Variants in ACOX1 observed in about 807,000 individuals in gnomAD.
ACOX1 encodes peroxisomal acyl-coenzyme A oxidase 1.
Under a neutral mutation model 75.5 loss-of-function variants are expected in ACOX1, and 41 were observed. That is an observed-to-expected ratio of 0.54 (90% CI 0.42 to 0.70). The LOEUF (loss-of-function observed/expected upper bound fraction) is 0.70. Ranked by LOEUF, ACOX1 falls within the 30% of genes least tolerant of loss-of-function variation. The pLI is 0.00. For synonymous variants in ACOX1, 303 were observed against 298.8 expected (o/e 1.01, Z -0.15); for missense variants, 630 against 837.5 (o/e 0.75, Z 3.06).
intron 6 of ACOX1, 99 bp downstream of exon 6, chr17:75,955,467 T>C: frequency 2.0e-6 from 2 of 1,018,114 alleles, no homozygotes; most frequent in Non-Finnish European, 3.1e-6. Context: ...CCTGCTGTTA[T>C]TACCTTCTAA....
intron 2 of ACOX1, chr17:75,973,687 C>T: frequency 1.9e-6 from 3 of 1,614,152 alleles, no homozygotes; most frequent in Non-Finnish European, 2.5e-6. Context: ...TGAAAGCAGC[C>T]ATTTCTCTTT....
At chr17:75,955,771 T>C in intron 5 of ACOX1, 57 bp downstream of exon 5, 4 of 1,613,764 alleles carry the variant, frequency 2.5e-6, no homozygotes, top group Non-Finnish European at 3.4e-6. Context: ...TTCTACCTTT[T>C]GCAGAAGAAA....
In ACOX1 at chr17:75,943,412, A is replaced by AGT. The variant is rs1407163659; in HGVS notation, c.*3334_*3335dup. ...TTAGCCAGGTGTGGTGGTGTGCACC[A>AGT]GTAATCCCAGCTTCTCAGAGGAGGC... On this transcript the variant is annotated 3_prime_UTR_variant, in exon 14 of 14. Transcript: ENST00000293217. 6.6e-6 allele frequency: 1 copy of AGT among 152,080 alleles called. No individual in the cohort carries two copies. Among genetic ancestry groups the AGT allele is most frequent in the Non-Finnish European group, 1.5e-5 (1 of 68,074 alleles). The allele number at this position is 152,080 out of a possible 1,614,324, so 9.4% of individuals were successfully genotyped here. A position where few individuals can be genotyped will look rare whatever the true frequency, so the allele number is the denominator to read the frequency against.
At chr17:75,956,872 C>T (rs1433417953) in intron 4 of ACOX1, among the ~76,000 whole-genome samples, 5 of 134,542 alleles carry the variant, frequency 3.7e-5, no homozygotes. Flanking sequence ...GTAGCCAGGA[C>T]TATAGGTCTA....
chr17:75,979,130 A>G lies in ACOX1; in HGVS notation c.-57T>C. The G allele has an allele frequency of 6.3e-7, 1 of 1,599,314 alleles. No individual in the cohort carries two copies. Among genetic ancestry groups the G allele is most frequent in the Non-Finnish European group, 8.5e-7 (1 of 1,177,962 alleles). ...CGACCGAGGTGGCAGTGACAATCTA[A>G]ATCCGCAGCTCCAGCGCCGGCCGGA... On this transcript the variant is annotated 5_prime_UTR_variant, in exon 1 of 14. Transcript: ENST00000293217.
In ACOX1 at chr17:75,953,571, T is replaced by C; in HGVS notation, c.824A>G (p.Tyr275Cys). 1 of 1,614,196 alleles carries C rather than the reference T, an allele frequency of 6.2e-7. No individual in the cohort carries two copies. Among genetic ancestry groups the C allele is most frequent in the Non-Finnish European group, 8.5e-7 (1 of 1,180,008 alleles). ...YVKPLSNKLT[Y>C]GTMVFVRSFL... ...GGACCTGACAAACACCATGGTCCCG[T>C]AAGTCAGCTTGTTACTCAGCGGTTT... The change falls in exon 7 of 14, where the codon TAC (tyrosine) becomes TGC (cysteine). Residue 275 changes from tyrosine to cysteine, a missense_variant. Tyr to Cys is a radical substitution (Grantham distance 194). This residue lies in a region of ACOX1 where 390 missense variants were observed against 574.9 expected (regional missense o/e 0.68). Coordinates refer to ENST00000293217, the MANE Select transcript of ACOX1 (RefSeq NM_004035.7).
intron 4 of ACOX1, among the ~76,000 whole-genome samples, chr17:75,956,883 T>C (rs7222393): frequency 0.57 from 71,822 of 126,116 alleles, 23,274 homozygotes; most frequent in East Asian, 0.8. Flanking sequence ...TATAGGTCTA[T>C]AGGTATGTGC....
chr17:75,979,097 G>A lies in ACOX1; in HGVS notation c.-24C>T. ...ATGGCGACGACCAGCTGGCAGCGAAGTAAGCACCGACCGAGGTGGCAGTGA... is the reference window on the plus strand; with the variant it reads ...ATGGCGACGACCAGCTGGCAGCGAAATAAGCACCGACCGAGGTGGCAGTGA... On this transcript the variant is annotated 5_prime_UTR_variant, in exon 1 of 14. Coordinates refer to ENST00000293217, the MANE Select transcript of ACOX1 (RefSeq NM_004035.7). 6.2e-7 allele frequency: 1 copy of A among 1,609,062 alleles called. No individual in the cohort carries two copies. Among genetic ancestry groups the A allele is most frequent in the Non-Finnish European group, 8.5e-7 (1 of 1,179,934 alleles).
intron 2 of ACOX1, among the ~76,000 whole-genome samples, chr17:75,967,914 AT>A (rs886962143): frequency 2.0e-5 from 3 of 149,516 alleles, no homozygotes; most frequent in Non-Finnish European, 4.4e-5. Flanking sequence ...TAATTTTTAG[AT>A]TTTTAGTACA....
intron 2 of ACOX1, among the ~76,000 whole-genome samples, chr17:75,970,686 A>C (rs1054562956): frequency 2.6e-5 from 4 of 152,200 alleles, no homozygotes; most frequent in African/African-American, 7.2e-5. Flanking sequence ...CTTCTGTGAG[A>C]CCGCGTTAGA....
intron 2 of ACOX1, among the ~76,000 whole-genome samples, chr17:75,964,181 A>G (rs1162540151): frequency 5.5e-5 from 8 of 146,660 alleles, no homozygotes; most frequent in Admixed American, 2.7e-4. Context: ...TCCATCTCAA[A>G]AAAAAAAAAA....
At position 75,960,991 on chromosome 17, in the gene ACOX1, T is replaced by A. The variant is rs981289348; in HGVS notation, c.270-616A>T. On this transcript the variant is annotated intron_variant, in intron 2 of 13. Coordinates refer to ENST00000293217, the MANE Select transcript of ACOX1 (RefSeq NM_004035.7). This position sits in a 1 kb window ranked among gnomAD's most constrained non-coding sequence, Gnocchi z 4.4. ...GAGACTCTGTCTCAAAAAAAATAAA[T>A]AAATAAATAAGAGAGAATTGGCCAG... is the stretch of plus-strand genomic sequence containing the variant. Among the ~76,000 whole-genome samples, 1 of 145,096 alleles carries A rather than the reference T, an allele frequency of 6.9e-6. No homozygotes were observed. The highest frequency in any genetic ancestry group is 2.6e-5 in the African/African-American group (1 of 38,850).
intron 3 of ACOX1, among the ~76,000 whole-genome samples, chr17:75,958,928 A>G (rs528420713): frequency 6.6e-6 from 1 of 152,264 alleles, no homozygotes; most frequent in East Asian, 1.9e-4. Context: ...AGAGATTTCC[A>G]ATGGCAGGCC....
At chr17:75,973,145 A>G (rs2066012502) in intron 2 of ACOX1, among the ~76,000 whole-genome samples, 1 of 152,244 alleles carries the variant, frequency 6.6e-6, no homozygotes, top group African/African-American at 2.4e-5. Context: ...TCAGATGAAG[A>G]GAATCATGGA....
At position 75,944,834 on chromosome 17, in the gene ACOX1, A is replaced by G. The variant is rs1474676858; in HGVS notation, c.*1914T>C. 5 of 152,182 alleles carry G rather than the reference A, an allele frequency of 3.3e-5. No individual in the cohort carries two copies. Among genetic ancestry groups the G allele is most frequent in the African/African-American group, 9.6e-5 (4 of 41,536 alleles). 9.4% of individuals were successfully genotyped at this position (152,182 alleles called of 1,614,324 possible). A position where few individuals can be genotyped will look rare whatever the true frequency, so the allele number is the denominator to read the frequency against. The stretch of plus-strand genomic sequence containing the variant: ...GGCTCACTGCAACCTCTACCCGCCA[A>G]GTTCAAGCGATTATCCTGCCTCAGC... On this transcript the variant is annotated 3_prime_UTR_variant, in exon 14 of 14. Transcript: ENST00000293217.
chr17:75,957,361 C>T (rs1172355076), intron 4 of ACOX1, 98 bp downstream of exon 4: 3 of 1,130,972 alleles, frequency 2.7e-6, no homozygotes, highest in South Asian at 1.2e-5. Flanking sequence ...GATTTCACCA[C>T]CAAGTCTGGC....
intron 2 of ACOX1, among the ~76,000 whole-genome samples, chr17:75,967,328 G>T (rs1199975138): frequency 6.6e-6 from 1 of 151,720 alleles, no homozygotes; most frequent in Non-Finnish European, 1.5e-5. Context: ...AATTAGCTGG[G>T]TGTGGTGGTG....
intron 7 of ACOX1, 28 bp from the exon 8 acceptor site, chr17:75,951,605 T>G: frequency 5.6e-6 from 9 of 1,612,084 alleles, no homozygotes; most frequent in Non-Finnish European, 7.6e-6. Context: ...AGAAAAAAAG[T>G]AGTAAGTAAA....
rs572541889 is a variant in ACOX1 at position 75,946,290 on chromosome 17, G to A, written c.*458C>T. 5.7e-5 allele frequency: 11 copies of A among 192,278 alleles called. No individual in the cohort carries two copies. In the East Asian group the frequency reaches 1.4e-3, roughly 24 times the overall value. The allele number at this position is 192,278 out of a possible 1,614,324, so 11.9% of individuals were successfully genotyped here. On this transcript the variant is annotated 3_prime_UTR_variant, in exon 14 of 14. Transcript: ENST00000293217. ...CCCCCAGTCCCTTTTCTTCAATCCT[G>A]CTTTTAAGCCAGGCCCCAGGGTAAG... is the stretch of plus-strand genomic sequence containing the variant.
Sources: allele counts gnomAD v4.1 joint callset (sites outside exome capture counted in the v4.1 genomes callset), GRCh38; gene constraint gnomAD v4.1.1; regional missense constraint gnomAD v4.1.1; non-coding constraint Gnocchi (gnomAD v3.1); transcripts MANE v1.5; gene names NCBI Gene and HGNC (gene_info 2026-07-23, HGNC 2026-07-21).